Variants in DAB1 observed in about 807,000 individuals in gnomAD.
DAB1 encodes the protein DAB adaptor protein 1, also known as disabled homolog 1.
DAB1 carries 15 observed loss-of-function variants against 64.6 expected under a neutral mutation model. The observed-to-expected ratio is 0.23, with a 90% confidence interval of 0.16 to 0.36. The LOEUF is 0.36. DAB1 is among the 10% of genes least tolerant of loss of function. The pLI, the probability that DAB1 is intolerant of heterozygous loss-of-function variation, is 1.00. For synonymous variants in DAB1, 235 were observed against 251.9 expected (o/e 0.93, Z 0.64); for missense variants, 596 against 706.7 (o/e 0.84, Z 1.78).
At chr1:57,142,465 A>C (rs74589800) in intron 3 of DAB1, among the ~76,000 whole-genome samples, 3,651 of 152,212 alleles carry the variant, frequency 0.024, 142 homozygotes, top group African/African-American at 0.08. Flanking sequence ...AATGAAACAC[A>C]ATTGTCTGGA....
At chr1:57,376,224 A>G (rs1391672614) in intron 1 of DAB1, among the ~76,000 whole-genome samples, 2 of 152,184 alleles carry the variant, frequency 1.3e-5, no homozygotes, top group African/African-American at 4.8e-5. Flanking sequence ...TGCAGCCTCT[A>G]GTTAAACCCT....
chr1:58,263,485 C>G (rs909147955), intron 4 of DAB1, among the ~76,000 whole-genome samples: 1 of 152,170 alleles, frequency 6.6e-6, no homozygotes, highest in Non-Finnish European at 1.5e-5. Context: ...TGCCCAATGT[C>G]AGAGCTTCCT....
intron 4 of DAB1, among the ~76,000 whole-genome samples, chr1:57,133,470 C>T (rs1474193575): frequency 6.6e-6 from 1 of 152,160 alleles, no homozygotes; most frequent in African/African-American, 2.4e-5. Flanking sequence ...CGTCATCCAT[C>T]TGTCTGGTCT....
At chr1:57,835,853 C>A (rs2101909307) in intron 1 of DAB1, among the ~76,000 whole-genome samples, 1 of 152,328 alleles carries the variant, frequency 6.6e-6, no homozygotes, top group South Asian at 2.1e-4. Context: ...CTCCTGGGAA[C>A]ACACCAGGAG....
chr1:58,534,473 T>C, intron 1 of DAB1: 1 of 522,846 alleles, frequency 1.9e-6, no homozygotes, highest in Admixed American at 3.8e-5. Context: ...AGCACTGAAA[T>C]TTCTCAAATC....
At chr1:57,317,611 C>A (rs1294666364) in intron 1 of DAB1, among the ~76,000 whole-genome samples, 7 of 152,114 alleles carry the variant, frequency 4.6e-5, no homozygotes. Context: ...AATCCTCAAG[C>A]ATTATCTTTG....
intron 2 of DAB1, among the ~76,000 whole-genome samples, chr1:58,511,177 T>C (rs539649354): frequency 6.6e-6 from 1 of 152,248 alleles, no homozygotes; most frequent in Non-Finnish European, 1.5e-5. Context: ...CAAAGCAATC[T>C]TGAAAAAGAG....
chr1:57,840,313 A>C (rs1011605389), intron 1 of DAB1, among the ~76,000 whole-genome samples: 4 of 152,210 alleles, frequency 2.6e-5, no homozygotes, highest in African/African-American at 9.6e-5. Context: ...AAGGATATAG[A>C]AAAAGTATAA....
At chr1:57,703,204 TAA>T (rs1266200931) in intron 6 of DAB1, among the ~76,000 whole-genome samples, 1 of 152,132 alleles carries the variant, frequency 6.6e-6, no homozygotes, top group Non-Finnish European at 1.5e-5. Context: ...CTAATTAAGC[TAA>T]AGAGTTCTAC....
intron 1 of DAB1, among the ~76,000 whole-genome samples, chr1:57,374,088 G>A (rs1680711082): frequency 6.6e-6 from 1 of 152,126 alleles, no homozygotes; most frequent in Non-Finnish European, 1.5e-5. Context: ...GCTGACACAG[G>A]CATGCTAAGT....
chr1:58,145,115 T>G (rs530998166), intron 5 of DAB1, among the ~76,000 whole-genome samples: 1 of 152,358 alleles, frequency 6.6e-6, no homozygotes, highest in East Asian at 1.9e-4. Flanking sequence ...GGCTACATTG[T>G]ACTGCATGAA....
intron 5 of DAB1, among the ~76,000 whole-genome samples, chr1:57,906,773 C>G (rs372280564): frequency 9.9e-5 from 15 of 152,212 alleles, no homozygotes; most frequent in African/African-American, 3.6e-4. Flanking sequence ...AAACTTAGAG[C>G]CCTGAATAGA....
chr1:57,125,123 T>C (rs1159465021), intron 4 of DAB1, among the ~76,000 whole-genome samples: 2 of 152,224 alleles, frequency 1.3e-5, no homozygotes, highest in African/African-American at 4.8e-5. Context: ...TCAGCAGCTC[T>C]GCTAGGCTAA....
At chr1:58,157,865 G>A (rs998768417) in intron 4 of DAB1, among the ~76,000 whole-genome samples, 3 of 152,124 alleles carry the variant, frequency 2.0e-5, no homozygotes, top group African/African-American at 4.8e-5. Context: ...TTTATTAAAT[G>A]CCTATTATGA....
intron 5 of DAB1, among the ~76,000 whole-genome samples, chr1:58,059,866 C>T (rs1648379622): frequency 6.6e-6 from 1 of 152,180 alleles, no homozygotes; most frequent in South Asian, 2.1e-4. Flanking sequence ...AAAGGATGCA[C>T]CAACAGGCAG....
At chr1:58,496,849 G>A (rs760865451) in intron 3 of DAB1, among the ~76,000 whole-genome samples, 20 of 152,036 alleles carry the variant, frequency 1.3e-4, no homozygotes, top group South Asian at 8.3e-4. Context: ...TAGATTTCTC[G>A]TGAAGACACA....
At chr1:58,063,110 A>C (rs1263864501) in intron 5 of DAB1, among the ~76,000 whole-genome samples, 1 of 152,222 alleles carries the variant, frequency 6.6e-6, no homozygotes, top group Middle Eastern at 3.2e-3. Context: ...CCTTCACCAC[A>C]GAATGTCCGA....
intron 6 of DAB1, among the ~76,000 whole-genome samples, chr1:57,805,164 C>A (rs1051393474): frequency 1.3e-5 from 2 of 152,154 alleles, no homozygotes; most frequent in Admixed American, 1.3e-4. Flanking sequence ...CATGCTGCTA[C>A]GGACTTTCTC....
chr1:58,251,897 A>T (rs1291894718), intron 4 of DAB1, among the ~76,000 whole-genome samples: 2 of 152,102 alleles, frequency 1.3e-5, no homozygotes, highest in African/African-American at 4.8e-5. Context: ...AGTGCTGAAT[A>T]AAAGTCCCTT....
Sources: gnomAD v4.1 joint callset for allele counts (sites outside exome capture counted in the v4.1 genomes callset) on GRCh38, gnomAD v4.1.1 for gene constraint, MANE v1.5 for transcripts, NCBI Gene and HGNC (gene_info 2026-07-23, HGNC 2026-07-21) for gene names.